VIT: variants seen among roughly 807,000 people sequenced by gnomAD.
VIT encodes vitrin.
A neutral mutation model predicts 78.0 loss-of-function variants in VIT; 99 were observed. That is an observed-to-expected ratio of 1.27 (90% CI 1.08 to 1.50). The LOEUF (loss-of-function observed/expected upper bound fraction) is 1.50. VIT is among the 40% of genes most tolerant of loss of function. The pLI, the probability that VIT is intolerant of heterozygous loss-of-function variation, is 0.00. For synonymous variants in VIT, 374 were observed against 334.3 expected (o/e 1.12, Z -1.29); for missense variants, 1,126 against 875.3 (o/e 1.29, Z -3.61).
chr2:36,748,218 A>C (rs1668254048), intron 4 of VIT, among the ~76,000 whole-genome samples: 1 of 152,162 alleles, frequency 6.6e-6, no homozygotes, highest in South Asian at 2.1e-4. Context: ...CATCTTGCAT[A>C]GTATCTCACT....
In VIT at chr2:36,810,727, G is replaced by A. The variant is rs544538162; in HGVS notation, c.1903+1742G>A. Among the ~76,000 whole-genome samples, 77 of 151,304 alleles carry A rather than the reference G, an allele frequency of 5.1e-4. 1 individual carries two copies. The highest frequency in any genetic ancestry group is 4.1e-4 in the Non-Finnish European group (28 of 67,896). ...CTACTCATTGCAACCTCTGCCTCCC[G>A]GATTCAAGCGATTCTTCTGGCTCAG... On this transcript the variant is annotated intron_variant, in intron 15 of 15. Transcript: ENST00000379242.
chr2:36,771,179 A>T (rs984426465), intron 7 of VIT, among the ~76,000 whole-genome samples: 2 of 152,110 alleles, frequency 1.3e-5, no homozygotes, highest in Non-Finnish European at 2.9e-5. Flanking sequence ...GAAAGGCCAT[A>T]ACCAGGCAAG....
intron 3 of VIT, among the ~76,000 whole-genome samples, chr2:36,730,389 T>C (rs567014065): frequency 7.2e-5 from 11 of 152,296 alleles, no homozygotes; most frequent in African/African-American, 2.4e-4. Flanking sequence ...TTTATGGAAG[T>C]TCCACAATCT....
chr2:36,775,043 C>T lies in VIT; in HGVS notation c.778C>T (p.Pro260Ser). ...TCCTTCAGGAGCTGCCTTCCAGAAA[C>T]CTGTTGGAGCGGATGTCAGCCTGGG... The part of the protein sequence containing the change: ...QDPSGAAFQK[P>S]VGADVSLGEM... The change falls in exon 9 of 16, where the codon CCT (proline) becomes TCT (serine). Residue 260 changes from proline to serine, a missense_variant. Pro to Ser is a moderately conservative substitution (Grantham distance 74). Transcript: ENST00000379242. 6.2e-7 allele frequency: 1 copy of T among 1,614,066 alleles called. No individual in the cohort carries two copies. The highest frequency in any genetic ancestry group is 1.7e-4 in the Middle Eastern group (1 of 6,016).
At chr2:36,738,520 C>T (rs2148506246) in intron 3 of VIT, among the ~76,000 whole-genome samples, 1 of 152,274 alleles carries the variant, frequency 6.6e-6, no homozygotes, top group African/African-American at 2.4e-5. Context: ...AGGCCAGTTA[C>T]CCTCTGTCAT....
At chr2:36,783,898 G>C (rs1369545156) in intron 11 of VIT, among the ~76,000 whole-genome samples, 1 of 152,198 alleles carries the variant, frequency 6.6e-6, no homozygotes, top group Non-Finnish European at 1.5e-5. Flanking sequence ...GATGAAGCAG[G>C]TTTATGTCTA....
At chr2:36,801,592 G>C (rs2148665994) in intron 13 of VIT, among the ~76,000 whole-genome samples, 188 bp downstream of exon 13, 1 of 152,280 alleles carries the variant, frequency 6.6e-6, no homozygotes, top group Non-Finnish European at 1.5e-5. Flanking sequence ...CAGATCACTT[G>C]AGGTCAGGAA....
chr2:36,797,363 G>A (rs183936994), intron 12 of VIT, among the ~76,000 whole-genome samples: 55 of 152,312 alleles, frequency 3.6e-4, no homozygotes, highest in African/African-American at 1.2e-3. Flanking sequence ...AGGAAACTCT[G>A]GCAATATTCA....
chr2:36,699,626 G>GTAGGTAGGTAGATAGATAGATAGA (rs372689790), intron 1 of VIT, among the ~76,000 whole-genome samples: 8 of 141,884 alleles, frequency 5.6e-5, no homozygotes, highest in African/African-American at 1.1e-4. Flanking sequence ...AGATATATAG[G>GTAGGTAGGTAGATAGATAGATAGA]TAGATAGATA....
At chr2:36,803,981 C>A (rs562932732) in intron 13 of VIT, among the ~76,000 whole-genome samples, 1 of 152,150 alleles carries the variant, frequency 6.6e-6, no homozygotes, top group African/African-American at 2.4e-5. Flanking sequence ...CTAGGGTGAA[C>A]GGTCATCCCA....
chr2:36,716,250 A>G, intron 1 of VIT, 103 bp from the exon 2 acceptor site: 3 of 874,616 alleles, frequency 3.4e-6, no homozygotes, highest in Non-Finnish European at 5.5e-6. Flanking sequence ...GTAAGACTCC[A>G]GAGGGCAATG....
At chr2:36,741,046 A>C (rs983304719) in intron 3 of VIT, among the ~76,000 whole-genome samples, 1 of 152,222 alleles carries the variant, frequency 6.6e-6, no homozygotes, top group African/African-American at 2.4e-5. Context: ...TTCCTATTTC[A>C]AAAAATTAAG....
intron 5 of VIT, among the ~76,000 whole-genome samples, chr2:36,755,773 C>G (rs1464802484): frequency 6.6e-6 from 1 of 152,096 alleles, no homozygotes; most frequent in Non-Finnish European, 1.5e-5. Flanking sequence ...AGAAGAGTTG[C>G]TTTCCCCCTC....
chr2:36,720,188 A>G (rs1315171198), intron 2 of VIT, among the ~76,000 whole-genome samples: 1 of 152,212 alleles, frequency 6.6e-6, no homozygotes, highest in African/African-American at 2.4e-5. Context: ...GGCCAAAGCA[A>G]TCCTGAGCAA....
At chr2:36,724,466 C>G (rs1013796168) in intron 2 of VIT, among the ~76,000 whole-genome samples, 1 of 152,186 alleles carries the variant, frequency 6.6e-6, no homozygotes, top group Non-Finnish European at 1.5e-5. Flanking sequence ...AAAACGAACA[C>G]AAGACTGATT....
chr2:36,727,830 G>A (rs1265475441), intron 2 of VIT, among the ~76,000 whole-genome samples: 6 of 152,150 alleles, frequency 3.9e-5, no homozygotes, highest in Non-Finnish European at 5.9e-5. Context: ...CTACTGAGCC[G>A]CCAGCTGCCA....
At chr2:36,771,249 G>A (rs1669731496) in intron 7 of VIT, among the ~76,000 whole-genome samples, 1 of 152,208 alleles carries the variant, frequency 6.6e-6, no homozygotes, top group Admixed American at 6.5e-5. Context: ...GTTCGGCTTT[G>A]CCGGTCCCGG....
chr2:36,791,116 G>C (rs1665470486), intron 12 of VIT, among the ~76,000 whole-genome samples: 1 of 152,212 alleles, frequency 6.6e-6, no homozygotes. Flanking sequence ...ACAGTTGTGG[G>C]ATGAAGGGAA....
At chr2:36,770,129 T>A (rs1031408792) in intron 7 of VIT, among the ~76,000 whole-genome samples, 2 of 152,212 alleles carry the variant, frequency 1.3e-5, no homozygotes, top group Non-Finnish European at 1.5e-5. Flanking sequence ...AAGCAAAACC[T>A]AATTCACTTA....
Sources: allele counts gnomAD v4.1 joint callset (sites outside exome capture counted in the v4.1 genomes callset), GRCh38; gene constraint gnomAD v4.1.1; transcripts MANE v1.5; gene names NCBI Gene and HGNC (gene_info 2026-07-23, HGNC 2026-07-21).